KNL1: variants seen among roughly 807,000 people sequenced by gnomAD.
The protein encoded by KNL1 is kinetochore scaffold 1.
Under a neutral mutation model 201.3 loss-of-function variants are expected in KNL1, and 66 were observed. The observed-to-expected ratio is 0.33, with a 90% CI of 0.27 to 0.40. The LOEUF is 0.40. KNL1 is among the 10% of genes least tolerant of loss of function. KNL1 has a pLI of 1.00. For missense variants in KNL1, 2,815 were observed against 2,690.5 expected, an observed-to-expected ratio of 1.05 and a Z score of -1.02; for synonymous variants, 895 against 899.2, an observed-to-expected ratio of 1.00 and a Z score of 0.08.
rs1266577446 is a variant in KNL1 at position 40,656,171 on chromosome 15, CTGT to C, written c.6485-870_6485-868del. 9.8e-5 allele frequency among the ~76,000 whole-genome samples: 15 copies of C among 152,292 alleles called. No homozygotes were observed. In the East Asian group the frequency reaches 2.1e-3, roughly 22 times the overall value. ...GATTGCTGGGTGCCGTGGCTCACAC[CTGT>C]AATCCCAGCACTTTGGGAGACCAAG... On this transcript the variant is annotated intron_variant, in intron 22 of 25. Transcript: ENST00000399668.
rs564221266 is a variant in KNL1, at chr15:40,654,156, A to G, written c.6416-753A>G. ...GCATTCAATAAAGAGAAAATAATCAATTCAGGAGACAGTTAACTCTAGAGT... is the reference window on the plus strand; with the variant it reads ...GCATTCAATAAAGAGAAAATAATCAGTTCAGGAGACAGTTAACTCTAGAGT... On this transcript the variant is annotated intron_variant, in intron 21 of 25. Coordinates refer to ENST00000399668, the MANE Select transcript of KNL1 (RefSeq NM_144508.5). 5.9e-5 allele frequency among the ~76,000 whole-genome samples: 9 copies of G among 152,318 alleles called. No homozygotes were observed. The East Asian group carries it at 1.3e-3, about 23-fold the overall frequency.
chr15:40,605,163 T>C lies in KNL1; in HGVS notation c.75+14T>C, dbSNP rs749883651. Reference sequence around the variant, plus strand: ...CGGCATTCTTCAGTAAGAAAGACTTTCTTGAATTAATAATTGTCAGCTTTT... The same window carrying C: ...CGGCATTCTTCAGTAAGAAAGACTTCCTTGAATTAATAATTGTCAGCTTTT... On this transcript the variant is annotated intron_variant, in intron 3 of 25. Transcript: ENST00000399668. 1.4e-6 allele frequency: 2 copies of C among 1,382,820 alleles called. No homozygotes were observed. Among genetic ancestry groups the C allele is most frequent in the Middle Eastern group, 1.8e-4 (1 of 5,606 alleles). 85.7% of individuals were successfully genotyped at this position (1,382,820 alleles called of 1,614,324 possible).
In KNL1 at chr15:40,621,834, A is replaced by G; in HGVS notation, c.1570A>G (p.Met524Val). 6.2e-7 allele frequency: 1 copy of G among 1,613,710 alleles called. No individual in the cohort carries two copies. Among genetic ancestry groups the G allele is most frequent in the African/African-American group, 1.3e-5 (1 of 75,042 alleles). The change falls in exon 10 of 26, where the codon ATG (methionine) becomes GTG (valine). Residue 524 changes from methionine (M) to valine (V), a missense_variant. By Grantham distance (21) the Met-to-Val change is conservative (BLOSUM62 1). Coordinates refer to ENST00000399668, the MANE Select transcript of KNL1 (RefSeq NM_144508.5). ...AAAAGAAATGATGCTCCAAAATCTTATGACCACATCAGAAGATGGGAAAAT... is the reference window on the plus strand; with the variant it reads ...AAAAGAAATGATGCTCCAAAATCTTGTGACCACATCAGAAGATGGGAAAAT... ...PEKEMMLQNL[M>V]TTSEDGKMNV...
intron 6 of KNL1, chr15:40,610,877 G>A (rs1393814612): frequency 2.2e-6 from 1 of 453,858 alleles, no homozygotes; most frequent in African/African-American, 2.0e-5. Context: ...AGCCTCCCAG[G>A]TAGCCGGGAT....
Position 40,621,583 on chromosome 15 carries a change from C to T in KNL1, c.1319C>T (p.Thr440Ile). 1 of 1,609,942 alleles carries T rather than the reference C, an allele frequency of 6.2e-7. No individual in the cohort carries two copies. The highest frequency in any genetic ancestry group is 8.5e-7 in the Non-Finnish European group (1 of 1,178,066). ...YSSCNDAMEMTKCLSNMREEK... is the reference protein window; with the variant it reads ...YSSCNDAMEMIKCLSNMREEK... Reference sequence around the variant, plus strand: ...AGTTGTAATGATGCCATGGAAATGACCAAATGTCTCTCAAATATGAGAGAG... The same window carrying T: ...AGTTGTAATGATGCCATGGAAATGATCAAATGTCTCTCAAATATGAGAGAG... Residue 440 changes from threonine (T) to isoleucine (I), a missense_variant, in exon 10 of 26, where the codon ACC becomes ATC. Thr to Ile is a moderately conservative substitution (Grantham distance 89). Around this residue, in one of 3 missense-constraint regions of KNL1, gnomAD observed 2,464 missense variants for 2,291.7 expected, o/e 1.08. Transcript: ENST00000399668.
chr15:40,636,658 C>G (rs914266132), intron 13 of KNL1, among the ~76,000 whole-genome samples: 2 of 151,858 alleles, frequency 1.3e-5, no homozygotes, highest in African/African-American at 2.4e-5. Flanking sequence ...GTGAAACCCC[C>G]CCTCTACCAA....
chr15:40,630,166 T>C (rs1892872491), intron 13 of KNL1, among the ~76,000 whole-genome samples: 1 of 152,116 alleles, frequency 6.6e-6, no homozygotes, highest in Admixed American at 6.6e-5. Context: ...TCTCAAAAAA[T>C]TTAAGATCAT....
At chr15:40,644,275 A>G (rs1319396995) in intron 14 of KNL1, among the ~76,000 whole-genome samples, 4 of 152,252 alleles carry the variant, frequency 2.6e-5, no homozygotes, top group Non-Finnish European at 5.9e-5. Context: ...CACCTAAGCC[A>G]GATTTATGTT....
intron 6 of KNL1, 127 bp downstream of exon 6, chr15:40,610,424 A>G (rs1892115350): frequency 6.4e-6 from 4 of 628,166 alleles, no homozygotes; most frequent in South Asian, 5.7e-5. Context: ...TGGGCCATGC[A>G]TAGTGGTTCA....
At chr15:40,633,097 G>A (rs1892959281) in intron 13 of KNL1, among the ~76,000 whole-genome samples, 2 of 152,156 alleles carry the variant, frequency 1.3e-5, no homozygotes, top group South Asian at 2.1e-4. Context: ...GGGAGGCCAA[G>A]GCAGGTGGGT....
At position 40,621,355 on chromosome 15, in the gene KNL1, T is replaced by G. The variant is rs766863635; in HGVS notation, c.1091T>G (p.Phe364Cys). The G allele has an allele frequency of 1.9e-6, 3 of 1,612,076 alleles. No homozygotes were observed. Among genetic ancestry groups the G allele is most frequent in the Non-Finnish European group, 1.7e-6 (2 of 1,178,846 alleles). Reference protein sequence around the residue: ...GTKASGNKTVFKSKQNTAFQD... With the variant: ...GTKASGNKTVCKSKQNTAFQD... ...AAAGCTTCAGGAAATAAAACAGTTTTTAAGAGTAAACAAAATACTGCTTTT... is the reference window on the plus strand; with the variant it reads ...AAAGCTTCAGGAAATAAAACAGTTTGTAAGAGTAAACAAAATACTGCTTTT... The change falls in exon 10 of 26, where the codon TTT (phenylalanine) becomes TGT (cysteine). Residue 364 changes from phenylalanine (F) to cysteine (C), a missense_variant. Around this residue, in one of 3 missense-constraint regions of KNL1, gnomAD observed 2,464 missense variants for 2,291.7 expected, o/e 1.08. Transcript: ENST00000399668.
At position 40,628,594 on chromosome 15, in the gene KNL1, A is replaced by T; in HGVS notation, c.5516-17A>T. The stretch of plus-strand genomic sequence containing the variant: ...TAGTTTTGACTTGTTCGTCACCAGA[A>T]TTTGCTTTACTTCTAGCTTACCGCA... On this transcript the variant is annotated splice_polypyrimidine_tract_variant and intron_variant, in intron 11 of 25. Coordinates refer to ENST00000399668, the MANE Select transcript of KNL1 (RefSeq NM_144508.5). 1.9e-6 allele frequency: 3 copies of T among 1,558,802 alleles called. No individual in the cohort carries two copies. In the South Asian group the frequency reaches 3.5e-5, roughly 18 times the overall value.
chr15:40,656,450 C>T (rs1181327430), intron 22 of KNL1, among the ~76,000 whole-genome samples: 4 of 151,888 alleles, frequency 2.6e-5, no homozygotes, highest in African/African-American at 7.3e-5. Context: ...GAAATGAAAT[C>T]CAGGATTTAA....
At position 40,623,617 on chromosome 15, in the gene KNL1, T is replaced by C. The variant is rs781354775; in HGVS notation, c.3353T>C (p.Leu1118Ser). ...FHLAGASKTI[L>S]YSCGQDDMEI... ...TTGGCAGGGGCTTCTAAAACTATTTTGTATTCATGTGGGCAGGATGACATG... is the reference window on the plus strand; with the variant it reads ...TTGGCAGGGGCTTCTAAAACTATTTCGTATTCATGTGGGCAGGATGACATG... The change falls in exon 10 of 26, where the codon TTG (leucine) becomes TCG (serine). Residue 1118 changes from leucine (L) to serine (S), a missense_variant. By Grantham distance (145) the Leu-to-Ser change is moderately radical (BLOSUM62 -2). Transcript: ENST00000399668. The C allele has an allele frequency of 1.9e-6, 3 of 1,613,734 alleles. No homozygotes were observed. The highest frequency in any genetic ancestry group is 1.7e-5 in the Admixed American group (1 of 59,998).
intron 8 of KNL1, among the ~76,000 whole-genome samples, chr15:40,617,385 C>A (rs1465772571): frequency 1.3e-5 from 2 of 152,236 alleles, no homozygotes; most frequent in Admixed American, 1.3e-4. Flanking sequence ...AAACTAACTG[C>A]TCAGTCCATG....
At chr15:40,650,663 C>A in intron 19 of KNL1, 80 bp downstream of exon 19, 1 of 1,314,932 alleles carries the variant, frequency 7.6e-7, no homozygotes, top group Non-Finnish European at 1.0e-6. Context: ...CAGAGACTGA[C>A]AGGATTTGGG....
intron 1 of KNL1, among the ~76,000 whole-genome samples, chr15:40,601,899 G>A (rs1287752730): frequency 2.9e-5 from 3 of 101,744 alleles, no homozygotes; most frequent in Non-Finnish European, 5.4e-5. Context: ...ACAGATTCTC[G>A]CTCTGTCGCC....
In KNL1 at chr15:40,621,502, C is replaced by G. The variant is rs746996319; in HGVS notation, c.1238C>G (p.Pro413Arg). 1 of 1,613,860 alleles carries G rather than the reference C, an allele frequency of 6.2e-7. No individual in the cohort carries two copies. Among genetic ancestry groups the G allele is most frequent in the East Asian group, 2.2e-5 (1 of 44,864 alleles). ...NQDARILAMT[P>R]ESIYSNPSIQ... is the part of the protein sequence containing the mutation. ...GATGCCAGAATATTAGCCATGACCC[C>G]AGAATCTATATATTCTAATCCATCT... The change falls in exon 10 of 26, where the codon CCA (proline) becomes CGA (arginine). Residue 413 changes from proline to arginine, a missense_variant. Around this residue, in one of 3 missense-constraint regions of KNL1, gnomAD observed 2,464 missense variants for 2,291.7 expected, o/e 1.08. Coordinates refer to ENST00000399668, the MANE Select transcript of KNL1 (RefSeq NM_144508.5).
intron 1 of KNL1, among the ~76,000 whole-genome samples, chr15:40,602,601 C>T (rs1891844329): frequency 6.6e-6 from 1 of 150,578 alleles, no homozygotes; most frequent in South Asian, 2.1e-4. Context: ...AGTCTCCTAC[C>T]TCAGCCTCCC....
Sources: gnomAD v4.1 joint callset for allele counts (sites outside exome capture counted in the v4.1 genomes callset) on GRCh38, gnomAD v4.1.1 for gene constraint, gnomAD v4.1.1 regional missense constraint, MANE v1.5 for transcripts, NCBI Gene and HGNC (gene_info 2026-07-23, HGNC 2026-07-21) for gene names.